The following CHODL variants were observed in gnomAD, a reference collection of about 807,000 sequenced individuals.
CHODL encodes transmembrane protein MT75.
A neutral mutation model predicts 34.5 loss-of-function variants in CHODL; 29 were observed. The ratio of observed to expected loss-of-function variants is 0.84; its 90% CI spans 0.63 to 1.15. CHODL has a LOEUF of 1.15. Ranked by LOEUF, CHODL falls within the 50% of genes most tolerant of loss-of-function variation. The pLI, the probability that CHODL is intolerant of heterozygous loss-of-function variation, is 0.00. For missense variants in CHODL, 332 were observed against 332.5 expected (o/e 1.00, Z 0.01); for synonymous variants, 125 against 116.1 (o/e 1.08, Z -0.49).
intron 2 of CHODL, among the ~76,000 whole-genome samples, chr21:18,114,322 G>A (rs2146566423): frequency 1.3e-5 from 2 of 152,288 alleles, no homozygotes; most frequent in South Asian, 4.1e-4. Context: ...ATAAATGCTT[G>A]AGGGGATGGA....
intron 2 of CHODL, among the ~76,000 whole-genome samples, chr21:18,239,405 G>T (rs2074060372): frequency 2.6e-5 from 4 of 152,082 alleles, no homozygotes; most frequent in African/African-American, 7.2e-5. Flanking sequence ...ACCTCCAGAA[G>T]GATATTTAAA....
chr21:17,969,885 A>T (rs1043552825), intron 1 of CHODL, among the ~76,000 whole-genome samples: 1 of 152,190 alleles, frequency 6.6e-6, no homozygotes, highest in African/African-American at 2.4e-5. Flanking sequence ...GCCTCAGATA[A>T]TAATCTTACT....
chr21:18,086,235 A>C (rs2065006138), intron 2 of CHODL, among the ~76,000 whole-genome samples: 1 of 151,466 alleles, frequency 6.6e-6, no homozygotes, highest in African/African-American at 2.4e-5. Context: ...CTTCTTGGTA[A>C]ATTTCTTACT....
chr21:18,257,661 T>G (rs1206163975), intron 3 of CHODL, among the ~76,000 whole-genome samples: 1 of 152,204 alleles, frequency 6.6e-6, no homozygotes, highest in African/African-American at 2.4e-5. Context: ...TAGGAAGATG[T>G]GACTCGTTCT....
intron 2 of CHODL, among the ~76,000 whole-genome samples, chr21:18,052,305 A>G (rs920483905): frequency 7.2e-5 from 11 of 151,812 alleles, no homozygotes; most frequent in Non-Finnish European, 1.3e-4. Flanking sequence ...ATTTTTTCCA[A>G]TGTCTTTATT....
At chr21:18,178,976 C>G (rs1200265353) in intron 2 of CHODL, among the ~76,000 whole-genome samples, 2 of 152,120 alleles carry the variant, frequency 1.3e-5, no homozygotes, top group African/African-American at 2.4e-5. Flanking sequence ...AGAGTAATGT[C>G]TTCTGGAAGT....
At chr21:17,973,551 G>A (rs2063635320) in intron 1 of CHODL, among the ~76,000 whole-genome samples, 1 of 150,956 alleles carries the variant, frequency 6.6e-6, no homozygotes, top group South Asian at 2.1e-4. Flanking sequence ...CAAGTAGCTG[G>A]GACTACAGGC....
chr21:17,926,583 A>G (rs978262709), intron 1 of CHODL, among the ~76,000 whole-genome samples: 3 of 152,148 alleles, frequency 2.0e-5, no homozygotes, highest in South Asian at 2.1e-4. Flanking sequence ...GGAGAGATGC[A>G]AGCAGGGGAA....
intron 1 of CHODL, among the ~76,000 whole-genome samples, chr21:17,929,061 T>TTTG (rs2063250291): frequency 6.6e-6 from 1 of 152,196 alleles, no homozygotes; most frequent in Non-Finnish European, 1.5e-5. Context: ...AAACTAATGG[T>TTTG]TTGTTGGAAG....
intron 2 of CHODL, among the ~76,000 whole-genome samples, chr21:18,051,559 C>T (rs766889401): frequency 6.6e-6 from 1 of 151,788 alleles, no homozygotes; most frequent in Non-Finnish European, 1.5e-5. Context: ...AAACTGAAGA[C>T]TGTCATGCTA....
Position 18,256,728 on chromosome 21 carries a change from G to A in CHODL, c.299G>A (p.Trp100Ter). 6.2e-7 allele frequency: 1 copy of A among 1,614,058 alleles called. No homozygotes were observed. Among genetic ancestry groups the A allele is most frequent in the Non-Finnish European group, 8.5e-7 (1 of 1,179,972 alleles). ...ACAGGGATTTCTGATGGTGATTTCT[G>A]GATAGGGCTTTGGAGGAATGGAGAT... ...PGTGISDGDF[W>*]IGLWRNGDGQ... Residue 100 changes from tryptophan (W) to a stop codon, truncating the protein, a stop_gained, in exon 2 of 6, where the codon TGG (tryptophan) becomes TAG (stop). Coordinates refer to ENST00000299295, the MANE Select transcript of CHODL (RefSeq NM_024944.3). LOFTEE classifies it high-confidence loss of function.
chr21:18,056,086 A>G (rs1226041864), intron 2 of CHODL, among the ~76,000 whole-genome samples: 1 of 151,926 alleles, frequency 6.6e-6, no homozygotes, highest in African/African-American at 2.4e-5. Flanking sequence ...TTGTTTCTTG[A>G]TAAAGGATTC....
chr21:18,099,293 C>T (rs2065181431), intron 2 of CHODL, among the ~76,000 whole-genome samples: 1 of 151,924 alleles, frequency 6.6e-6, no homozygotes, highest in Non-Finnish European at 1.5e-5. Flanking sequence ...ACTTAATTTT[C>T]CATGATGTGG....
intron 1 of CHODL, among the ~76,000 whole-genome samples, chr21:18,002,029 C>A (rs1361553613): frequency 6.6e-6 from 1 of 152,038 alleles, no homozygotes; most frequent in Non-Finnish European, 1.5e-5. Flanking sequence ...TATTGCTGCC[C>A]GTGTTTGTGT....
At chr21:17,971,065 A>G (rs1323251155) in intron 1 of CHODL, among the ~76,000 whole-genome samples, 1 of 152,166 alleles carries the variant, frequency 6.6e-6, no homozygotes, top group Non-Finnish European at 1.5e-5. Flanking sequence ...ACATGAATGC[A>G]TCATTTTTTA....
At chr21:18,007,795 C>T (rs934693028) in intron 1 of CHODL, among the ~76,000 whole-genome samples, 2 of 152,106 alleles carry the variant, frequency 1.3e-5, no homozygotes, top group Non-Finnish European at 2.9e-5. Context: ...TAGGACTGAA[C>T]TAGAATTTTT....
At chr21:17,946,336 G>T (rs1056734999) in intron 1 of CHODL, among the ~76,000 whole-genome samples, 1 of 152,106 alleles carries the variant, frequency 6.6e-6, no homozygotes, top group Non-Finnish European at 1.5e-5. Context: ...GGAGAATGGC[G>T]TGAACCCCCG....
rs142249577 is a variant in CHODL, at chr21:18,039,723, C to A, written c.-45+11752C>A. On this transcript the variant is annotated intron_variant, in intron 2 of 6. Coordinates refer to the CHODL transcript ENST00000400127. ...CTATTACTTATTGGAAAAACCTAAC[C>A]CCTAATCCTTATGTAACTCATCTTG... Among the ~76,000 whole-genome samples, 888 of 151,688 alleles carry A rather than the reference C, an allele frequency of 5.9e-3. 11 individuals carry two copies. Among genetic ancestry groups the A allele is most frequent in the African/African-American group, 0.021 (852 of 41,466 alleles).
chr21:17,984,391 T>C (rs2063737661), intron 1 of CHODL, among the ~76,000 whole-genome samples: 2 of 152,208 alleles, frequency 1.3e-5, no homozygotes, highest in East Asian at 1.9e-4. Flanking sequence ...ACACCCAGAA[T>C]TGGGATTGCG....
Sources: gnomAD v4.1 joint callset for allele counts (sites outside exome capture counted in the v4.1 genomes callset) on GRCh38, gnomAD v4.1.1 for gene constraint, MANE v1.5 for transcripts, NCBI Gene and HGNC (gene_info 2026-07-23, HGNC 2026-07-21) for gene names.